The following USP48 variants were observed in gnomAD, a reference collection of about 807,000 sequenced individuals.
USP48 encodes ubiquitin specific peptidase 48, also known as ubiquitin carboxyl-terminal hydrolase 48.
In USP48, 43 loss-of-function variants were observed where a neutral mutation model predicts 150.7. The ratio of observed to expected loss-of-function variants is 0.29; its 90% CI spans 0.22 to 0.37. The LOEUF (loss-of-function observed/expected upper bound fraction) is 0.37, where lower values mean the gene tolerates loss of function less well. Ranked by LOEUF, USP48 falls within the 10% of genes least tolerant of loss-of-function variation. The pLI is 1.00. For synonymous variants in USP48, 396 were observed against 425.9 expected (o/e 0.93, Z 0.86); for missense variants, 813 against 1,249.6 (o/e 0.65, Z 5.27).
chr1:21,732,476 CATCT>C (rs1299725435), intron 9 of USP48, among the ~76,000 whole-genome samples: 1 of 152,108 alleles, frequency 6.6e-6, no homozygotes, highest in Non-Finnish European at 1.5e-5. Flanking sequence ...AAAAAGGTCT[CATCT>C]ATCACATTGA....
chr1:21,757,454 CT>C (rs1161957665), intron 2 of USP48: 4 of 412,524 alleles, frequency 9.7e-6, no homozygotes, highest in African/African-American at 8.2e-5. Flanking sequence ...TATTTAAAGG[CT>C]TACTGAATTA....
intron 1 of USP48, among the ~76,000 whole-genome samples, chr1:21,762,865 C>CAAAAAAAAA (rs34834573): frequency 1.3e-5 from 1 of 76,350 alleles, no homozygotes. Context: ...GACTTCATCT[C>CAAAAAAAAA]AAAAAAAAAA....
intron 24 of USP48, among the ~76,000 whole-genome samples, chr1:21,688,095 A>C (rs531849969): frequency 1.3e-5 from 2 of 152,180 alleles, no homozygotes; most frequent in Non-Finnish European, 2.9e-5. Flanking sequence ...CTACCACATG[A>C]TGTGGTGGTA....
intron 1 of USP48, among the ~76,000 whole-genome samples, chr1:21,771,016 C>G (rs989083901): frequency 6.6e-6 from 1 of 151,888 alleles, no homozygotes; most frequent in African/African-American, 2.4e-5. Context: ...ATCCAAGCTA[C>G]TAAGATGGCT....
At chr1:21,728,970 G>T (rs1357533173) in intron 10 of USP48, among the ~76,000 whole-genome samples, 1 of 152,044 alleles carries the variant, frequency 6.6e-6, no homozygotes, top group East Asian at 1.9e-4. Context: ...CAATCGAATG[G>T]CTCAAAATCA....
intron 1 of USP48, among the ~76,000 whole-genome samples, chr1:21,766,836 G>A (rs991275116): frequency 2.6e-5 from 4 of 151,972 alleles, no homozygotes; most frequent in Admixed American, 1.3e-4. Flanking sequence ...AAGCTGAGTC[G>A]AGTGGATAAC....
chr1:21,733,064 GAATT>G (rs1324151462), intron 9 of USP48, among the ~76,000 whole-genome samples: 1 of 152,148 alleles, frequency 6.6e-6, no homozygotes, highest in Non-Finnish European at 1.5e-5. Flanking sequence ...CTGTCACAGG[GAATT>G]AAAATACCAG....
In USP48 at chr1:21,748,027, T is replaced by A. The variant is rs890997183; in HGVS notation, c.908+111A>T. 8 of 1,158,532 alleles carry A rather than the reference T, an allele frequency of 6.9e-6. No homozygotes were observed. The African/African-American group carries it at 1.3e-4, about 18-fold the overall frequency. The allele number at this position is 1,158,532 out of a possible 1,614,324, so 71.8% of individuals were successfully genotyped here. Reference sequence around the variant, plus strand: ...TGACAGCCTCCATCTATAACTTTCATCCTCAAATCTAGAGTTTCAAATTAC... The same window carrying A: ...TGACAGCCTCCATCTATAACTTTCAACCTCAAATCTAGAGTTTCAAATTAC... On this transcript the variant is annotated intron_variant, in intron 7 of 26. Transcript: ENST00000308271.
Position 21,747,761 on chromosome 1 carries a change from C to T in USP48, c.908+377G>A, listed in dbSNP as rs976145512. Among the ~76,000 whole-genome samples, 15 of 151,732 alleles carry T rather than the reference C, an allele frequency of 9.9e-5. 1 individual carries two copies. The highest frequency in any genetic ancestry group is 3.1e-4 in the African/African-American group (13 of 41,342). ...CTAATTTTTGTATTTTTAGTAGAGA[C>T]GGGGTTTCACCATGTTGGCCCGGCT... On this transcript the variant is annotated intron_variant, in intron 7 of 26. Coordinates refer to ENST00000308271, the MANE Select transcript of USP48 (RefSeq NM_032236.8).
At chr1:21,739,571 T>C (rs905633410) in intron 8 of USP48, among the ~76,000 whole-genome samples, 3 of 150,090 alleles carry the variant, frequency 2.0e-5, no homozygotes, top group African/African-American at 7.4e-5. Context: ...CATATATTTA[T>C]GGGTACAATA....
At chr1:21,754,200 T>G (rs1388356274) in intron 3 of USP48, among the ~76,000 whole-genome samples, 1 of 152,084 alleles carries the variant, frequency 6.6e-6, no homozygotes, top group Non-Finnish European at 1.5e-5. Context: ...CAACCATGTT[T>G]TGTGGAAGTC....
At chr1:21,772,921 CAAAA>C (rs112945957) in intron 1 of USP48, among the ~76,000 whole-genome samples, 1 of 108,320 alleles carries the variant, frequency 9.2e-6, no homozygotes, top group Admixed American at 9.9e-5. Flanking sequence ...GACTCTGTCT[CAAAA>C]AAAAAAAACC....
At position 21,679,394 on chromosome 1, in the gene USP48, A is replaced by G; in HGVS notation, c.*23T>C. On this transcript the variant is annotated 3_prime_UTR_variant, in exon 27 of 27. Transcript: ENST00000308271. ...TCCTCTTCCCCTCTGGTCATTTCTT[A>G]GCAGTCAGCAAGTATTCAAAGATTA... 1 of 1,614,100 alleles carries G rather than the reference A, an allele frequency of 6.2e-7. No individual in the cohort carries two copies. The highest frequency in any genetic ancestry group is 8.5e-7 in the Non-Finnish European group (1 of 1,179,962).
intron 25 of USP48, among the ~76,000 whole-genome samples, chr1:21,685,211 T>TA (rs2097577402): frequency 6.6e-6 from 1 of 152,232 alleles, no homozygotes; most frequent in African/African-American, 2.4e-5. Flanking sequence ...TTCAATTTCT[T>TA]ACATTAGTGT....
rs113463184 is a variant in USP48, at chr1:21,745,586, A to G, written c.991+1481T>C. Among the ~76,000 whole-genome samples, 636 of 152,334 alleles carry G rather than the reference A, an allele frequency of 4.2e-3. 7 individuals are homozygous for G. Among genetic ancestry groups the G allele is most frequent in the African/African-American group, 0.015 (606 of 41,562 alleles). ...AAAACAAATTAATAAAAAATAAAAA[A>G]TACTATATTTAGTAAACCAACATAC... is the stretch of plus-strand genomic sequence containing the variant. On this transcript the variant is annotated intron_variant, in intron 8 of 26. Transcript: ENST00000308271.
At chr1:21,710,900 T>C (rs1383210044) in intron 15 of USP48, among the ~76,000 whole-genome samples, 2 of 152,028 alleles carry the variant, frequency 1.3e-5, no homozygotes, top group Non-Finnish European at 2.9e-5. Flanking sequence ...CACAATCTCC[T>C]GGGCTCAAGC....
At chr1:21,724,848 AG>A (rs1437469518) in intron 11 of USP48, 1 of 152,214 alleles carries the variant, frequency 6.6e-6, no homozygotes, top group Non-Finnish European at 1.5e-5. Context: ...ATTTGGGGAA[AG>A]GAAGTCCCTA....
At chr1:21,689,825 G>C (rs531118607) in intron 24 of USP48, 149 bp downstream of exon 24, 116 of 1,027,372 alleles carry the variant, frequency 1.1e-4, no homozygotes, top group Non-Finnish European at 5.6e-6. Context: ...GCCAGAGTTG[G>C]GCTGAGCTGC....
At chr1:21,773,061 A>G (rs1423520782) in intron 1 of USP48, among the ~76,000 whole-genome samples, 1 of 151,748 alleles carries the variant, frequency 6.6e-6, no homozygotes, top group Non-Finnish European at 1.5e-5. Flanking sequence ...GTTCAAGACC[A>G]GCCTGGCCAA....
Sources: gnomAD v4.1 joint callset for allele counts (sites outside exome capture counted in the v4.1 genomes callset) on GRCh38, gnomAD v4.1.1 for gene constraint, MANE v1.5 for transcripts, NCBI Gene and HGNC (gene_info 2026-07-23, HGNC 2026-07-21) for gene names.